ECRG4: variants seen among roughly 807,000 people sequenced by gnomAD.
ECRG4 encodes the protein augurin.
ECRG4 carries 18 observed loss-of-function variants against 15.8 expected under a neutral mutation model. The ratio of observed to expected loss-of-function variants is 1.14; its 90% confidence interval spans 0.79 to 1.69. The LOEUF (loss-of-function observed/expected upper bound fraction) is 1.69, where lower values mean the gene tolerates loss of function less well. Ranked by LOEUF, ECRG4 falls within the 40% of genes most tolerant of loss-of-function variation. The pLI is 0.00. For missense variants in ECRG4, 200 were observed against 190.9 expected (o/e 1.05, Z -0.28); for synonymous variants, 82 against 73.9 (o/e 1.11, Z -0.56).
chr2:106,070,064 C>G (rs890417521), intron 1 of ECRG4, among the ~76,000 whole-genome samples: 1 of 152,212 alleles, frequency 6.6e-6, no homozygotes, highest in Non-Finnish European at 1.5e-5. Context: ...TCCTCCCTGG[C>G]CCTTCAGTGT....
chr2:106,064,521 T>C (rs1187810837), upstream of ECRG4, among the ~76,000 whole-genome samples: 1 of 152,074 alleles, frequency 6.6e-6, no homozygotes, highest in Non-Finnish European at 1.5e-5. Context: ...CTACTAAAAA[T>C]ACAAAATTAG....
At chr2:106,066,401 C>T (rs1162365907) in intron 1 of ECRG4, among the ~76,000 whole-genome samples, 1 of 152,224 alleles carries the variant, frequency 6.6e-6, no homozygotes, top group Non-Finnish European at 1.5e-5. Context: ...CGGTTGAAAA[C>T]TCTGAAATTC....
chr2:106,076,871 C>T (rs937213457), intron 3 of ECRG4, among the ~76,000 whole-genome samples: 5 of 152,188 alleles, frequency 3.3e-5, no homozygotes, highest in African/African-American at 1.2e-4. Flanking sequence ...TTTGCTCTCA[C>T]ACTAAATCTC....
upstream of ECRG4, among the ~76,000 whole-genome samples, chr2:106,064,942 C>A (rs999849177): frequency 2.0e-5 from 3 of 152,086 alleles, no homozygotes; most frequent in Admixed American, 1.3e-4. Context: ...TCCCTTGGGT[C>A]TCACCTTAAC....
chr2:106,066,436 C>T (rs1240211854), intron 1 of ECRG4, among the ~76,000 whole-genome samples: 1 of 152,210 alleles, frequency 6.6e-6, no homozygotes, highest in African/African-American at 2.4e-5. Context: ...GTAAAACGTG[C>T]ATTCACACGC....
intron 1 of ECRG4, among the ~76,000 whole-genome samples, chr2:106,069,337 C>CT (rs1273893247): frequency 1.5e-3 from 150 of 101,902 alleles, no homozygotes; most frequent in African/African-American, 3.0e-3. Context: ...CTCTTTCTTT[C>CT]TTTTTTTTTT....
At position 106,073,935 on chromosome 2, in the gene ECRG4, A is replaced by G; in HGVS notation, c.177A>G (p.Lys59=). 2 of 1,614,248 alleles carry G rather than the reference A, an allele frequency of 1.2e-6. No homozygotes were observed. The highest frequency in any genetic ancestry group is 1.7e-6 in the Non-Finnish European group (2 of 1,180,050). ...TGGCCGTTGATGAGAATAAAGCCAAAGAATTCCTTGGCAGCCTGAAGCGCC... is the reference window on the plus strand; with the variant it reads ...TGGCCGTTGATGAGAATAAAGCCAAGGAATTCCTTGGCAGCCTGAAGCGCC... ...TKVAVDENKA[K]EFLGSLKRQK... is the part of the protein sequence containing the mutation. Residue 59 remains lysine (K), a synonymous_variant, in exon 3 of 4, where the codon AAA becomes AAG. Transcript: ENST00000238044.
At chr2:106,075,640 C>T (rs1208230010) in intron 3 of ECRG4, among the ~76,000 whole-genome samples, 3 of 151,994 alleles carry the variant, frequency 2.0e-5, no homozygotes, top group Non-Finnish European at 4.4e-5. Context: ...GAGAATCCTT[C>T]GAACCCGGGA....
intron 2 of ECRG4, 45 bp from the exon 3 acceptor site, chr2:106,073,841 G>A (rs747769559): frequency 1.9e-6 from 3 of 1,604,740 alleles, no homozygotes; most frequent in Non-Finnish European, 2.6e-6. Context: ...AGTGAGGAAG[G>A]AAGTCATTCT....
rs1676524375 is a variant in ECRG4, at chr2:106,078,067, T to G, written c.*141T>G. 1 of 680,924 alleles carries G rather than the reference T, an allele frequency of 1.5e-6. No homozygotes were observed. The highest frequency in any genetic ancestry group is 2.2e-6 in the Non-Finnish European group (1 of 450,158). 42.2% of individuals were successfully genotyped at this position (680,924 alleles called of 1,614,324 possible). A position where few individuals can be genotyped will look rare whatever the true frequency, so the allele number is the denominator to read the frequency against. On this transcript the variant is annotated 3_prime_UTR_variant, in exon 4 of 4. Coordinates refer to ENST00000238044, the MANE Select transcript of ECRG4 (RefSeq NM_032411.3). ...ACTTTGTGTGATCAAAAAAGAAGAG[T>G]TAAAACAACACATGTAAATGCCTTT...
At position 106,065,761 on chromosome 2, in the gene ECRG4, C is replaced by G; in HGVS notation, c.-4C>G. The G allele has an allele frequency of 6.8e-7, 1 of 1,480,480 alleles. No individual in the cohort carries two copies. The highest frequency in any genetic ancestry group is 8.9e-7 in the Non-Finnish European group (1 of 1,122,550). The allele number at this position is 1,480,480 out of a possible 1,614,324, so 91.7% of individuals were successfully genotyped here. A position where few individuals can be genotyped will look rare whatever the true frequency, so the allele number is the denominator to read the frequency against. On this transcript the variant is annotated 5_prime_UTR_variant, in exon 1 of 4. Coordinates refer to ENST00000238044, the MANE Select transcript of ECRG4 (RefSeq NM_032411.3). ...CCTCGCCCTCCTGCTCGCGCCCCGC[C>G]GCCATGGCTGCCTCCCCCGCGCGGC...
Position 106,065,745 on chromosome 2 carries a change from C to A in ECRG4, c.-20C>A, listed in dbSNP as rs1365354539. The stretch of plus-strand genomic sequence containing the variant: ...CACCTCGAAGTGCGCCCCTCGCCCT[C>A]CTGCTCGCGCCCCGCCGCCATGGCT... On this transcript the variant is annotated 5_prime_UTR_variant, in exon 1 of 4. Coordinates refer to ENST00000238044, the MANE Select transcript of ECRG4 (RefSeq NM_032411.3). 2.0e-6 allele frequency: 3 copies of A among 1,476,192 alleles called. No homozygotes were observed. Among genetic ancestry groups the A allele is most frequent in the Admixed American group, 4.6e-5 (2 of 43,088 alleles). 91.4% of individuals were successfully genotyped at this position (1,476,192 alleles called of 1,614,324 possible).
At chr2:106,069,399 C>T (rs1225406362) in intron 1 of ECRG4, among the ~76,000 whole-genome samples, 2 of 150,080 alleles carry the variant, frequency 1.3e-5, no homozygotes, top group African/African-American at 4.9e-5. Context: ...AGTGACGCTA[C>T]CTTGGTTCAC....
intron 1 of ECRG4, among the ~76,000 whole-genome samples, chr2:106,067,233 G>A (rs187972318): frequency 5.9e-5 from 9 of 151,840 alleles, no homozygotes; most frequent in East Asian, 2.0e-4. Context: ...AGGAGATTGC[G>A]GCGAGCTGAG....
chr2:106,075,547 C>A (rs542062375), intron 3 of ECRG4, among the ~76,000 whole-genome samples: 133 of 152,208 alleles, frequency 8.7e-4, no homozygotes, highest in African/African-American at 3.0e-3. Context: ...CAGGGCAAAA[C>A]CCCGTCTCTA....
At chr2:106,076,538 C>T (rs1676490530) in intron 3 of ECRG4, among the ~76,000 whole-genome samples, 1 of 152,102 alleles carries the variant, frequency 6.6e-6, no homozygotes, top group Admixed American at 6.5e-5. Flanking sequence ...CTCTTTAGCC[C>T]AGCACTAGCT....
rs764770691 is a variant in ECRG4, at chr2:106,077,970, C to T, written c.*44C>T. The T allele has an allele frequency of 4.4e-6, 7 of 1,581,202 alleles. No homozygotes were observed. In the African/African-American group the frequency reaches 9.5e-5, roughly 21 times the overall value. On this transcript the variant is annotated 3_prime_UTR_variant, in exon 4 of 4. Transcript: ENST00000238044. ...TGTACAAGAAGCAAATAGCGATTCT[C>T]TTCATGTATCTCCTAATGCCTTACA...
chr2:106,069,207 A>T (rs72943582), intron 1 of ECRG4, among the ~76,000 whole-genome samples: 623 of 96,988 alleles, frequency 6.4e-3, no homozygotes, highest in Non-Finnish European at 7.2e-3. Flanking sequence ...TTTCTTTTTT[A>T]TTTTCTTTTC....
Position 106,077,811 on chromosome 2 carries a change from G to C in ECRG4, c.332G>C (p.Gly111Ala), listed in dbSNP as rs762759460. Residue 111 changes from glycine to alanine, a missense_variant, in exon 4 of 4, where the codon GGA becomes GCA. Gly to Ala is a moderately conservative substitution (Grantham distance 60, BLOSUM62 0). Transcript: ENST00000238044. ...ITYWLNRDRN[G>A]HEYYGDYYQR... The stretch of plus-strand genomic sequence containing the variant: ...TATTGGCTTAACAGAGATCGAAATG[G>C]ACATGAATACTATGGCGATTACTAC... 29 of 1,614,076 alleles carry C rather than the reference G, an allele frequency of 1.8e-5. No homozygotes were observed. In the East Asian group the frequency reaches 6.5e-4, roughly 36 times the overall value.
Sources: gnomAD v4.1 joint callset for allele counts (sites outside exome capture counted in the v4.1 genomes callset) on GRCh38, gnomAD v4.1.1 for gene constraint, MANE v1.5 for transcripts, NCBI Gene and HGNC (gene_info 2026-07-23, HGNC 2026-07-21) for gene names.